SDCBP: variants seen among roughly 807,000 people sequenced by gnomAD.
The protein encoded by SDCBP is syndecan binding protein, also known as syntenin-1.
A neutral mutation model predicts 30.5 loss-of-function variants in SDCBP; 22 were observed. The observed-to-expected ratio is 0.72, with a 90% CI of 0.52 to 1.03. SDCBP has a LOEUF of 1.03. SDCBP is among the 50% of genes least tolerant of loss of function. SDCBP has a pLI of 0.00. For synonymous variants in SDCBP, 103 were observed against 118.7 expected (o/e 0.87, Z 0.86); for missense variants, 304 against 369.9 (o/e 0.82, Z 1.46).
At chr8:58,567,858 C>T (rs1804786243) in intron 2 of SDCBP, among the ~76,000 whole-genome samples, 1 of 152,098 alleles carries the variant, frequency 6.6e-6, no homozygotes, top group African/African-American at 2.4e-5. Context: ...TGTATCTAAA[C>T]ACAGAAAAGG....
chr8:58,565,819 A>C (rs1446742679), intron 2 of SDCBP, among the ~76,000 whole-genome samples: 1 of 152,134 alleles, frequency 6.6e-6, no homozygotes, highest in African/African-American at 2.4e-5. Context: ...GTTAGCTTTC[A>C]ACTTGATCTC....
chr8:58,572,404 T>A (rs1034663606), intron 4 of SDCBP, 90 bp downstream of exon 4: 1 of 826,588 alleles, frequency 1.2e-6, no homozygotes, highest in Non-Finnish European at 2.0e-6. Flanking sequence ...CTCACAGATA[T>A]ACTACTAGCA....
rs771698884 is a variant in SDCBP, at chr8:58,578,215, T to G, written c.578+7T>G. The G allele has an allele frequency of 3.9e-6, 6 of 1,529,938 alleles. No individual in the cohort carries two copies. The highest frequency in any genetic ancestry group is 4.4e-6 in the Non-Finnish European group (5 of 1,142,612). 94.8% of individuals were successfully genotyped at this position (1,529,938 alleles called of 1,614,324 possible). ...CCATGACCATTCGTGACAGGTAAGC[T>G]GTTACTAAACAGCTCAAATGAAAAT... is the stretch of plus-strand genomic sequence containing the variant. On this transcript the variant is annotated splice_region_variant and intron_variant, in intron 6 of 8. Transcript: ENST00000260130.
At chr8:58,559,061 C>T (rs566232075) in intron 1 of SDCBP, among the ~76,000 whole-genome samples, 208 of 152,196 alleles carry the variant, frequency 1.4e-3, no homozygotes, top group Non-Finnish European at 2.5e-3. Context: ...GTGTAAATTA[C>T]GGTAATATTT....
At position 58,572,366 on chromosome 8, in the gene SDCBP, TA is replaced by T. The variant is rs766857852; in HGVS notation, c.240+53del. ...TTATATAAAATCATACTTTACATGT[TA>T]GTATAAGCTTTCCTCTTTGTGGCTA... On this transcript the variant is annotated intron_variant, in intron 4 of 8. Coordinates refer to ENST00000260130, the MANE Select transcript of SDCBP (RefSeq NM_005625.4). 4.2e-5 allele frequency: 51 copies of T among 1,203,638 alleles called. 1 individual carries two copies. The South Asian group carries it at 5.9e-4, about 14-fold the overall frequency. The allele number at this position is 1,203,638 out of a possible 1,614,324, so 74.6% of individuals were successfully genotyped here.
chr8:58,581,675 C>A lies in SDCBP; in HGVS notation c.843-11C>A. Reference sequence around the variant, plus strand: ...GAATCTCGGTATATAATAAAAGTACCTCTCTTGTAGGATGGCACCAAGCAT... The same window carrying A: ...GAATCTCGGTATATAATAAAAGTACATCTCTTGTAGGATGGCACCAAGCAT... On this transcript the variant is annotated splice_polypyrimidine_tract_variant and intron_variant, in intron 8 of 8. Coordinates refer to ENST00000260130, the MANE Select transcript of SDCBP (RefSeq NM_005625.4). The A allele has an allele frequency of 6.2e-7, 1 of 1,605,840 alleles. No individual in the cohort carries two copies. The highest frequency in any genetic ancestry group is 1.7e-4 in the Middle Eastern group (1 of 5,984).
intron 2 of SDCBP, among the ~76,000 whole-genome samples, chr8:58,568,213 A>G (rs912873087): frequency 2.6e-5 from 4 of 152,170 alleles, no homozygotes; most frequent in African/African-American, 4.8e-5. Flanking sequence ...TCCTGATTCT[A>G]TAAGCTTTTT....
intron 5 of SDCBP, chr8:58,576,416 C>CTT (rs113665258): frequency 1.8e-3 from 261 of 141,282 alleles, no homozygotes; most frequent in African/African-American, 6.3e-3. Context: ...GTCAGTGTGC[C>CTT]TTTTTTTTTT....
intron 4 of SDCBP, among the ~76,000 whole-genome samples, chr8:58,574,278 G>A (rs1805201763): frequency 6.6e-6 from 1 of 152,126 alleles, no homozygotes; most frequent in East Asian, 1.9e-4. Context: ...AGGCAAAAGT[G>A]TAAAGTTAAC....
intron 4 of SDCBP, among the ~76,000 whole-genome samples, chr8:58,574,866 T>TGTG (rs1805234693): frequency 2.0e-5 from 3 of 152,212 alleles, no homozygotes; most frequent in Admixed American, 2.0e-4. Context: ...TCTTTTGGTG[T>TGTG]GTGGTGAGAA....
Position 58,578,142 on chromosome 8 carries a change from C to T in SDCBP, c.512C>T (p.Ser171Phe). ...GGTGAAAACTGTGCAGGATGGAGCTCTGATAAAGCGCACAAGGTGCTCAAA... is the reference window on the plus strand; with the variant it reads ...GGTGAAAACTGTGCAGGATGGAGCTTTGATAAAGCGCACAAGGTGCTCAAA... ...INGENCAGWS[S>F]DKAHKVLKQA... The change falls in exon 6 of 9, where the codon TCT becomes TTT. Residue 171 changes from serine (S) to phenylalanine (F), a missense_variant. Physicochemically the swap from Ser to Phe is radical, Grantham distance 155. Transcript: ENST00000260130. 1 of 1,611,286 alleles carries T rather than the reference C, an allele frequency of 6.2e-7. No individual in the cohort carries two copies. Among genetic ancestry groups the T allele is most frequent in the Non-Finnish European group, 8.5e-7 (1 of 1,179,012 alleles).
chr8:58,569,414 G>C (rs958102276), intron 2 of SDCBP, among the ~76,000 whole-genome samples: 6 of 151,884 alleles, frequency 4.0e-5, no homozygotes, highest in African/African-American at 1.5e-4. Context: ...TGCCCAGGCT[G>C]GTCTTGAACT....
At chr8:58,580,899 T>C (rs934287345) in intron 8 of SDCBP, among the ~76,000 whole-genome samples, 2 of 152,170 alleles carry the variant, frequency 1.3e-5, no homozygotes, top group Non-Finnish European at 2.9e-5. Context: ...TGCAGTGCAA[T>C]TGACTGCAGT....
At chr8:58,574,140 C>T (rs933098386) in intron 4 of SDCBP, among the ~76,000 whole-genome samples, 7 of 152,122 alleles carry the variant, frequency 4.6e-5, no homozygotes, top group Non-Finnish European at 1.0e-4. Flanking sequence ...TGCTCTCACC[C>T]TTTCTCTAGA....
At chr8:58,554,374 G>A (rs1299657313) in intron 1 of SDCBP, among the ~76,000 whole-genome samples, 3 of 152,092 alleles carry the variant, frequency 2.0e-5, no homozygotes, top group Non-Finnish European at 4.4e-5. Context: ...TAAGATTGAG[G>A]GATAACGGTA....
At chr8:58,561,875 G>T in intron 1 of SDCBP, 1 of 614,228 alleles carries the variant, frequency 1.6e-6, no homozygotes, top group Non-Finnish European at 2.9e-6. Flanking sequence ...ATTAATAGAT[G>T]CACAACATAA....
Position 58,581,734 on chromosome 8 carries a change from G to T in SDCBP, c.891G>T (p.Glu297Asp). 1.2e-6 allele frequency: 2 copies of T among 1,611,942 alleles called. No homozygotes were observed. Among genetic ancestry groups the T allele is most frequent in the Non-Finnish European group, 1.7e-6 (2 of 1,179,108 alleles). Residue 297 changes from glutamate to aspartate, a missense_variant, in exon 9 of 9, where the codon GAG becomes GAT. Coordinates refer to ENST00000260130, the MANE Select transcript of SDCBP (RefSeq NM_005625.4). ...MKSLMDHTIPEV is the reference protein window; with the variant it reads ...MKSLMDHTIPDV The stretch of plus-strand genomic sequence containing the variant: ...GCCTAATGGACCACACCATTCCTGA[G>T]GTTTAAAATTCACGGCACCATGGAA...
At chr8:58,561,619 TTAAAAG>T in intron 1 of SDCBP, 1 of 487,252 alleles carries the variant, frequency 2.1e-6, no homozygotes, top group Non-Finnish European at 3.6e-6. Context: ...AAACTTTTCT[TTAAAAG>T]TAAAAGAGAA....
rs1804458120 is a variant in SDCBP at position 58,561,851 on chromosome 8, G to A, written c.-15-3168G>A. The A allele has an allele frequency of 5.8e-5, 37 of 642,668 alleles. 1 individual carries two copies. The South Asian group carries it at 6.2e-4, about 11-fold the overall frequency. 39.8% of individuals were successfully genotyped at this position (642,668 alleles called of 1,614,324 possible). A position where few individuals can be genotyped will look rare whatever the true frequency, so the allele number is the denominator to read the frequency against. ...GTCTAAGACAAAAGTTTAAGTGCCT[G>A]TAACTATAAAAATATTAATAGATGC... On this transcript the variant is annotated intron_variant, in intron 1 of 8. Coordinates refer to ENST00000260130, the MANE Select transcript of SDCBP (RefSeq NM_005625.4).
Sources: allele counts gnomAD v4.1 joint callset (sites outside exome capture counted in the v4.1 genomes callset), GRCh38; gene constraint gnomAD v4.1.1; transcripts MANE v1.5; gene names NCBI Gene and HGNC (gene_info 2026-07-23, HGNC 2026-07-21).